Variants in LAMA4 observed in about 807,000 individuals in gnomAD.
The protein encoded by LAMA4 is laminin subunit alpha-4.
LAMA4 carries 127 observed loss-of-function variants against 207.1 expected under a neutral mutation model. The ratio of observed to expected loss-of-function variants is 0.61; its 90% confidence interval spans 0.53 to 0.71. LAMA4 has a LOEUF of 0.71. LAMA4 is among the 30% of genes least tolerant of loss of function. The pLI is 0.00. For missense variants in LAMA4, 2,093 were observed against 2,246.5 expected (o/e 0.93, Z 1.38); for synonymous variants, 761 against 816.0 (o/e 0.93, Z 1.15).
chr6:112,109,682 AT>A, intron 38 of LAMA4, 100 bp from the exon 39 acceptor site: 1 of 1,209,902 alleles, frequency 8.3e-7, no homozygotes, highest in East Asian at 2.4e-5. Flanking sequence ...CATATCATCA[AT>A]ATGATTTACA....
At chr6:112,166,807 A>T (rs1781408397) in intron 12 of LAMA4, among the ~76,000 whole-genome samples, 1 of 152,254 alleles carries the variant, frequency 6.6e-6, no homozygotes, top group South Asian at 2.1e-4. Flanking sequence ...ACTGATAATT[A>T]TGAAAATGAC....
intron 13 of LAMA4, among the ~76,000 whole-genome samples, chr6:112,160,780 T>C (rs1247657268): frequency 6.6e-6 from 1 of 152,212 alleles, no homozygotes; most frequent in Non-Finnish European, 1.5e-5. Context: ...CTCCCCTGAG[T>C]GATCTCACTT....
At chr6:112,179,075 T>C (rs1554344661) in intron 9 of LAMA4, 1 of 152,146 alleles carries the variant, frequency 6.6e-6, no homozygotes, top group Non-Finnish European at 1.5e-5. Flanking sequence ...CCCATCAACA[T>C]TGATGGCACT....
chr6:112,187,565 A>G lies in LAMA4; in HGVS notation c.851T>C (p.Leu284Pro), dbSNP rs1424343942. 5.6e-6 allele frequency: 9 copies of G among 1,613,946 alleles called. No individual in the cohort carries two copies. The highest frequency in any genetic ancestry group is 7.6e-6 in the Non-Finnish European group (9 of 1,179,956). Reference sequence around the variant, plus strand: ...CTCGATGGAGAGCGCTGCTAACCGCAGGTCATCAGTCAGGTCCCAGACGCA... The same window carrying G: ...CTCGATGGAGAGCGCTGCTAACCGCGGGTCATCAGTCAGGTCCCAGACGCA... Reference protein sequence around the residue: ...DKCVWDLTDDLRLAALSIEEG... With the variant: ...DKCVWDLTDDPRLAALSIEEG... Residue 284 changes from leucine (L) to proline (P), a missense_variant, in exon 8 of 39, where the codon CTG becomes CCG. Around this residue, in one of 3 missense-constraint regions of LAMA4, gnomAD observed 1,704 missense variants for 1,788.4 expected, o/e 0.95. Coordinates refer to ENST00000230538, the MANE Select transcript of LAMA4 (RefSeq NM_001105206.3).
intron 2 of LAMA4, among the ~76,000 whole-genome samples, chr6:112,224,096 T>A (rs1292728380): frequency 6.6e-6 from 1 of 152,182 alleles, no homozygotes; most frequent in African/African-American, 2.4e-5. Flanking sequence ...TCATCTGGCC[T>A]TCCTCTCACA....
intron 5 of LAMA4, among the ~76,000 whole-genome samples, chr6:112,194,727 G>A (rs9487841): frequency 0.62 from 93,581 of 152,026 alleles, 31,144 homozygotes; most frequent in African/African-American, 0.89. Context: ...TAATAAATTA[G>A]TGATTATAAA....
At chr6:112,247,518 C>CAACAA (rs1787071398) in intron 2 of LAMA4, among the ~76,000 whole-genome samples, 1 of 152,066 alleles carries the variant, frequency 6.6e-6, no homozygotes, top group African/African-American at 2.4e-5. Context: ...GAAAAAGACA[C>CAACAA]AACAAAACAA....
intron 25 of LAMA4, among the ~76,000 whole-genome samples, chr6:112,135,573 T>A (rs999049896): frequency 6.6e-6 from 1 of 152,204 alleles, no homozygotes; most frequent in Admixed American, 6.5e-5. Flanking sequence ...ATATTTAAAA[T>A]AGTTAATGAA....
intron 21 of LAMA4, among the ~76,000 whole-genome samples, 161 bp from the exon 22 acceptor site, chr6:112,141,083 TC>T (rs1407743608): frequency 6.6e-6 from 1 of 152,184 alleles, no homozygotes; most frequent in Non-Finnish European, 1.5e-5. Context: ...AGAAAGACAT[TC>T]CATTTTGAAG....
chr6:112,154,663 T>G (rs1780596675), intron 16 of LAMA4, 188 bp downstream of exon 16: 1 of 613,706 alleles, frequency 1.6e-6, no homozygotes, highest in Non-Finnish European at 2.9e-6. Flanking sequence ...AGCATTTTTT[T>G]TTTCAATCAC....
Position 112,122,203 on chromosome 6 carries a change from T to C in LAMA4, c.4288-2A>G, listed in dbSNP as rs1554326381. ...AGGTGCATCTTTACTTTTCCCTCCCTATAAAAGTAAACCAAATTAAGGGAT... is the reference window on the plus strand; with the variant it reads ...AGGTGCATCTTTACTTTTCCCTCCCCATAAAAGTAAACCAAATTAAGGGAT... On this transcript the variant is annotated splice_acceptor_variant, in intron 31 of 38. Transcript: ENST00000230538. LOFTEE classifies it high-confidence loss of function. 1 of 1,612,408 alleles carries C rather than the reference T, an allele frequency of 6.2e-7. No homozygotes were observed. Among genetic ancestry groups the C allele is most frequent in the Non-Finnish European group, 8.5e-7 (1 of 1,178,642 alleles).
intron 33 of LAMA4, 98 bp from the exon 34 acceptor site, chr6:112,119,409 G>C (rs1376302302): frequency 7.7e-7 from 1 of 1,295,424 alleles, no homozygotes; most frequent in South Asian, 1.2e-5. Context: ...TTGCAATGCT[G>C]TGGGAAATCT....
intron 5 of LAMA4, among the ~76,000 whole-genome samples, chr6:112,197,658 G>T (rs1432392962): frequency 6.6e-6 from 1 of 152,174 alleles, no homozygotes; most frequent in African/African-American, 2.4e-5. Context: ...AATTGATGTT[G>T]TCTTATAACC....
At chr6:112,158,123 CATTA>C (rs1780831833) in intron 14 of LAMA4, 1 of 153,596 alleles carries the variant, frequency 6.5e-6, no homozygotes, top group Admixed American at 6.5e-5. Context: ...TTTCAGTTAA[CATTA>C]ATTGAGTGTC....
rs1172546960 is a variant in LAMA4 at position 112,130,023 on chromosome 6, T to C, written c.3986A>G (p.Asp1329Gly). The C allele has an allele frequency of 3.7e-6, 6 of 1,613,052 alleles. No homozygotes were observed. Among genetic ancestry groups the C allele is most frequent in the Non-Finnish European group, 4.2e-6 (5 of 1,179,494 alleles). ...VSPTRYELIV[D>G]KSRVGSKNPT... Reference sequence around the variant, plus strand: ...ATTCTTACTCCCAACTCTGCTTTTATCTACTATCAGTTCATATCTGCAAAA... The same window carrying C: ...ATTCTTACTCCCAACTCTGCTTTTACCTACTATCAGTTCATATCTGCAAAA... Residue 1329 changes from aspartate to glycine, a missense_variant, in exon 30 of 39, where the codon GAT (aspartate) becomes GGT (glycine). Coordinates refer to ENST00000230538, the MANE Select transcript of LAMA4 (RefSeq NM_001105206.3).
At chr6:112,145,357 C>A (rs879981863) in intron 18 of LAMA4, among the ~76,000 whole-genome samples, 1 of 152,190 alleles carries the variant, frequency 6.6e-6, no homozygotes, top group African/African-American at 2.4e-5. Context: ...ATGGCTCAGG[C>A]GTGCTGGTGC....
intron 14 of LAMA4, among the ~76,000 whole-genome samples, chr6:112,157,482 A>T (rs1446441249): frequency 6.6e-6 from 1 of 152,194 alleles, no homozygotes; most frequent in African/African-American, 2.4e-5. Flanking sequence ...TTGAATGAAG[A>T]TGTCTCTAAG....
chr6:112,157,323 A>G (rs1423458944), intron 14 of LAMA4, among the ~76,000 whole-genome samples: 2 of 150,300 alleles, frequency 1.3e-5, no homozygotes, highest in African/African-American at 4.9e-5. Context: ...TGCTTTTAAT[A>G]CTAGGCACAG....
chr6:112,212,102 G>A (rs374377921), intron 3 of LAMA4, among the ~76,000 whole-genome samples: 3 of 152,114 alleles, frequency 2.0e-5, no homozygotes, highest in Non-Finnish European at 4.4e-5. Flanking sequence ...TGGAGCATGG[G>A]GGACCAGCAG....
Sources: gnomAD v4.1 joint callset for allele counts (sites outside exome capture counted in the v4.1 genomes callset) on GRCh38, gnomAD v4.1.1 for gene constraint, gnomAD v4.1.1 regional missense constraint, MANE v1.5 for transcripts, NCBI Gene and HGNC (gene_info 2026-07-23, HGNC 2026-07-21) for gene names.